GNPTAB: variants seen among roughly 807,000 people sequenced by gnomAD.
The protein encoded by GNPTAB is N-acetylglucosamine-1-phosphotransferase subunits alpha/beta.
Under a neutral mutation model 136.6 loss-of-function variants are expected in GNPTAB, and 92 were observed. That is an observed-to-expected ratio of 0.67 (90% CI 0.57 to 0.80). The LOEUF (loss-of-function observed/expected upper bound fraction) is 0.80. Ranked by LOEUF, GNPTAB falls within the 30% of genes least tolerant of loss-of-function variation. The pLI is 0.00. For missense variants in GNPTAB, 1,343 were observed against 1,501.8 expected (o/e 0.89, Z 1.75); for synonymous variants, 512 against 535.1 (o/e 0.96, Z 0.60).
chr12:101,773,439 C>T (rs1031492163), intron 7 of GNPTAB: 27 of 210,700 alleles, frequency 1.3e-4, no homozygotes, highest in South Asian at 2.6e-4. Flanking sequence ...AGGCAGTGGG[C>T]GAAGCTGAGG....
At chr12:101,760,771 ATTTTC>A (rs1371124931) in intron 15 of GNPTAB, among the ~76,000 whole-genome samples, 43 of 149,526 alleles carry the variant, frequency 2.9e-4, no homozygotes, top group Non-Finnish European at 6.1e-4. Context: ...CAGAATTAAA[ATTTTC>A]TTTTCTTTTT....
intron 2 of GNPTAB, among the ~76,000 whole-genome samples, chr12:101,793,875 C>T (rs1426872325): frequency 6.6e-6 from 1 of 152,104 alleles, no homozygotes; most frequent in African/African-American, 2.4e-5. Context: ...TAGAGTCTTG[C>T]TCTGTCGCCC....
At chr12:101,814,528 C>G (rs1870414552) in intron 1 of GNPTAB, among the ~76,000 whole-genome samples, 2 of 151,990 alleles carry the variant, frequency 1.3e-5, no homozygotes, top group Admixed American at 1.3e-4. Flanking sequence ...GAAACCCTGT[C>G]TCTACTGAAA....
rs778420903 is a variant in GNPTAB at position 101,764,856 on chromosome 12, C to G, written c.2061G>C (p.Arg687Ser). The G allele has an allele frequency of 6.2e-7, 1 of 1,614,144 alleles. No homozygotes were observed. Among genetic ancestry groups the G allele is most frequent in the Admixed American group, 1.7e-5 (1 of 60,006 alleles). ...GAATTTTCACCTCTTCCTGGGCTCT[C>G]CTTGTTGAGTTAACATCATGTCTCT... is the stretch of plus-strand genomic sequence containing the variant. ...KFKRHDVNST[R>S]RAQEEVKIPL... is the part of the protein sequence containing the mutation. The change falls in exon 13 of 21, where the codon AGG (arginine) becomes AGC (serine). Residue 687 changes from arginine (R) to serine (S), a missense_variant. Physicochemically the swap from Arg to Ser is moderately radical, Grantham distance 110. Transcript: ENST00000299314.
chr12:101,769,997 A>T (rs1953146689), intron 10 of GNPTAB, 24 bp downstream of exon 10: 2 of 1,609,146 alleles, frequency 1.2e-6, no homozygotes, highest in Non-Finnish European at 1.7e-6. Context: ...ACGCTAGACA[A>T]CCCCCCTCCT....
Position 101,796,705 on chromosome 12 carries a change from T to G in GNPTAB, c.175A>C (p.Asn59His), listed in dbSNP as rs1454950358. Reference protein sequence around the residue: ...YHVLFDSYRDNIAGKSFQNRL... With the variant: ...YHVLFDSYRDHIAGKSFQNRL... ...TTCTGAAAGGACTTTCCAGCAATAT[T>G]GTCTCTATAGGAATCAAACAAAACA... is the stretch of plus-strand genomic sequence containing the variant. Residue 59 changes from asparagine to histidine, a missense_variant, in exon 2 of 21, where the codon AAT (asparagine) becomes CAT (histidine). Physicochemically the swap from Asn to His is moderately conservative, Grantham distance 68 (BLOSUM62 1). Transcript: ENST00000299314. 2 of 1,612,018 alleles carry G rather than the reference T, an allele frequency of 1.2e-6. No homozygotes were observed. Among genetic ancestry groups the G allele is most frequent in the Non-Finnish European group, 1.7e-6 (2 of 1,178,372 alleles).
chr12:101,824,909 A>C (rs1265287719), intron 1 of GNPTAB, among the ~76,000 whole-genome samples: 1 of 152,192 alleles, frequency 6.6e-6, no homozygotes, highest in Non-Finnish European at 1.5e-5. Context: ...AAGCGATCAC[A>C]AACTTCTCTG....
chr12:101,775,884 G>T (rs1019691088), intron 7 of GNPTAB, among the ~76,000 whole-genome samples: 1 of 151,804 alleles, frequency 6.6e-6, no homozygotes, highest in Non-Finnish European at 1.5e-5. Context: ...AGAGCTTTGA[G>T]GGGGGCAGAG....
At chr12:101,822,229 C>T (rs1045430461) in intron 1 of GNPTAB, among the ~76,000 whole-genome samples, 24 of 152,020 alleles carry the variant, frequency 1.6e-4, no homozygotes, top group Non-Finnish European at 3.4e-4. Context: ...CTGGCTAACA[C>T]GGTGAAACCC....
intron 7 of GNPTAB, chr12:101,773,327 C>A: frequency 3.6e-6 from 1 of 276,722 alleles, no homozygotes; most frequent in South Asian, 3.9e-5. Flanking sequence ...CACCTGCTCC[C>A]TCAGAAAGCA....
At chr12:101,763,302 T>G (rs1046041061) in intron 13 of GNPTAB, among the ~76,000 whole-genome samples, 1 of 152,002 alleles carries the variant, frequency 6.6e-6, no homozygotes, top group South Asian at 2.1e-4. Flanking sequence ...ACTGCAGTCC[T>G]TCACTAGACA....
chr12:101,798,526 A>G (rs957775957), intron 1 of GNPTAB, among the ~76,000 whole-genome samples: 2 of 152,210 alleles, frequency 1.3e-5, no homozygotes, highest in South Asian at 4.1e-4. Context: ...CAGAACTTAC[A>G]CAAATCTATT....
At chr12:101,801,209 G>A (rs901219121) in intron 1 of GNPTAB, among the ~76,000 whole-genome samples, 11 of 120,718 alleles carry the variant, frequency 9.1e-5, no homozygotes, top group Admixed American at 3.1e-4. Context: ...TCCAGCCTAG[G>A]TGACAGAACG....
rs558122485 is a variant in GNPTAB at position 101,821,343 on chromosome 12, A to G, written c.117+9216T>C. ...TGAGGCAGGCACTCTGCCAGGGCACAGGGATTTGAAGATAAGGAAGATTCC... is the reference window on the plus strand; with the variant it reads ...TGAGGCAGGCACTCTGCCAGGGCACGGGGATTTGAAGATAAGGAAGATTCC... On this transcript the variant is annotated intron_variant, in intron 1 of 20. Coordinates refer to ENST00000299314, the MANE Select transcript of GNPTAB (RefSeq NM_024312.5). Among the ~76,000 whole-genome samples, 187 of 152,356 alleles carry G rather than the reference A, an allele frequency of 1.2e-3. 2 individuals are homozygous for G. Among genetic ancestry groups the G allele is most frequent in the African/African-American group, 4.1e-3 (172 of 41,596 alleles).
At chr12:101,763,302 T>C (rs1046041061) in intron 13 of GNPTAB, among the ~76,000 whole-genome samples, 8 of 152,002 alleles carry the variant, frequency 5.3e-5, no homozygotes, top group African/African-American at 1.9e-4. Flanking sequence ...ACTGCAGTCC[T>C]TCACTAGACA....
intron 13 of GNPTAB, among the ~76,000 whole-genome samples, chr12:101,762,474 T>C (rs1295573701): frequency 6.6e-6 from 1 of 152,212 alleles, no homozygotes; most frequent in Non-Finnish European, 1.5e-5. Flanking sequence ...AAGCTAGTAA[T>C]TCTACCTGCA....
chr12:101,770,227 G>A (rs1430087723), intron 9 of GNPTAB, 36 bp from the exon 10 acceptor site: 3 of 1,608,154 alleles, frequency 1.9e-6, no homozygotes, highest in Non-Finnish European at 2.6e-6. Context: ...GAGAGTGAAT[G>A]AGAGCTGTTT....
rs754483619 is a variant in GNPTAB at position 101,765,163 on chromosome 12, A to T, written c.1754T>A (p.Ile585Lys). The T allele has an allele frequency of 6.2e-7, 1 of 1,614,186 alleles. No individual in the cohort carries two copies. Among genetic ancestry groups the T allele is most frequent in the South Asian group, 1.1e-5 (1 of 91,084 alleles). ...GVEGAYSDNP[I>K]IRHASIANKW... is the part of the protein sequence containing the mutation. ...GTTGGCAATAGAAGCATGTCGAATTATTGGATTGTCACTATAGGCACCTTC... is the reference window on the plus strand; with the variant it reads ...GTTGGCAATAGAAGCATGTCGAATTTTTGGATTGTCACTATAGGCACCTTC... Residue 585 changes from isoleucine (I) to lysine (K), a missense_variant, in exon 13 of 21, where the codon ATA becomes AAA. Transcript: ENST00000299314.
chr12:101,830,662 A>G lies in GNPTAB; in HGVS notation c.14T>C (p.Leu5Pro), dbSNP rs750794129. 1 of 1,597,250 alleles carries G rather than the reference A, an allele frequency of 6.3e-7. No homozygotes were observed. The highest frequency in any genetic ancestry group is 8.6e-7 in the Non-Finnish European group (1 of 1,165,720). ...GCAGGTATAGGTCTGTCTCTGCAGG[A>G]GCTTGAACAGCATCACCCCTTCACC... MLFKLLQRQTYTCLS... is the reference protein window; with the variant it reads MLFKPLQRQTYTCLS... Residue 5 changes from leucine to proline, a missense_variant, in exon 1 of 21, where the codon CTC becomes CCC. Physicochemically the swap from Leu to Pro is moderately conservative, Grantham distance 98. Coordinates refer to ENST00000299314, the MANE Select transcript of GNPTAB (RefSeq NM_024312.5).
Sources: allele counts gnomAD v4.1 joint callset (sites outside exome capture counted in the v4.1 genomes callset), GRCh38; gene constraint gnomAD v4.1.1; transcripts MANE v1.5; gene names NCBI Gene and HGNC (gene_info 2026-07-23, HGNC 2026-07-21).